Variants in SYT16 observed in about 807,000 individuals in gnomAD.
SYT16 encodes synaptotagmin-16.
Under a neutral mutation model 61.4 loss-of-function variants are expected in SYT16, and 42 were observed. The ratio of observed to expected loss-of-function variants is 0.68; its 90% CI spans 0.53 to 0.89. The LOEUF (loss-of-function observed/expected upper bound fraction) is 0.89, where lower values mean the gene tolerates loss of function less well. Ranked by LOEUF, SYT16 falls within the 40% of genes least tolerant of loss-of-function variation. The pLI is 0.00. For missense variants in SYT16, 804 were observed against 807.3 expected, an observed-to-expected ratio of 1.00 and a Z score of 0.05; for synonymous variants, 314 against 302.3, an observed-to-expected ratio of 1.04 and a Z score of -0.40.
chr14:62,068,207 G>C (rs945344925), intron 3 of SYT16, among the ~76,000 whole-genome samples: 1 of 151,914 alleles, frequency 6.6e-6, no homozygotes, highest in Non-Finnish European at 1.5e-5. Context: ...CCTTAGAAAG[G>C]AAGGAGATTT....
chr14:61,945,499 T>C (rs1594976471), intron 1 of SYT16, among the ~76,000 whole-genome samples: 1 of 152,308 alleles, frequency 6.6e-6, no homozygotes, highest in East Asian at 1.9e-4. Context: ...TGCCCATCAA[T>C]GATAGACTGG....
At position 61,933,186 on chromosome 14, in the gene SYT16, G is replaced by A. The variant is rs74331649; in HGVS notation, c.-324-36946G>A. Among the ~76,000 whole-genome samples, 642 of 152,304 alleles carry A rather than the reference G, an allele frequency of 4.2e-3. 4 individuals are homozygous for A. The highest frequency in any genetic ancestry group is 0.014 in the African/African-American group (601 of 41,568). On this transcript the variant is annotated intron_variant, in intron 1 of 7. Coordinates refer to ENST00000683842, the MANE Select transcript of SYT16 (RefSeq NM_001367656.1). ...CCCTTGAAAGAAGATGTGCCACTTA[G>A]TGCTGACAGTTAAATCACCATGCTG...
intron 3 of SYT16, among the ~76,000 whole-genome samples, chr14:62,038,013 G>A (rs926070980): frequency 6.6e-6 from 1 of 152,136 alleles, no homozygotes; most frequent in Non-Finnish European, 1.5e-5. Context: ...TGTTGATTAA[G>A]CAGATGGATT....
chr14:61,865,451 C>T (rs1187539889), intron 1 of SYT16, among the ~76,000 whole-genome samples: 3 of 152,160 alleles, frequency 2.0e-5, no homozygotes, highest in African/African-American at 7.2e-5. Flanking sequence ...CAGGCCTCAT[C>T]AGCAGCTCAA....
intron 1 of SYT16, among the ~76,000 whole-genome samples, chr14:61,895,736 C>G (rs548419238): frequency 7.2e-5 from 11 of 152,260 alleles, no homozygotes; most frequent in Admixed American, 1.3e-4. Flanking sequence ...GTTACTCTTG[C>G]ATTACTACCA....
intron 1 of SYT16, among the ~76,000 whole-genome samples, chr14:61,890,228 G>A (rs895881991): frequency 6.6e-6 from 1 of 152,188 alleles, no homozygotes; most frequent in Non-Finnish European, 1.5e-5. Flanking sequence ...GGTAGTTTGG[G>A]TTGGTTGTTG....
chr14:61,980,276 T>G (rs563312826), intron 2 of SYT16, among the ~76,000 whole-genome samples: 5 of 152,334 alleles, frequency 3.3e-5, no homozygotes, highest in Admixed American at 3.3e-4. Context: ...TATTGCACTA[T>G]GAAATTGCTG....
At chr14:62,078,172 A>ATATATAAACACACAC (rs2056576554) in intron 5 of SYT16, among the ~76,000 whole-genome samples, 1 of 128,786 alleles carries the variant, frequency 7.8e-6, no homozygotes, top group Non-Finnish European at 1.6e-5. Context: ...TATATATATA[A>ATATATAAACACACAC]ACACACACAC....
chr14:61,884,066 C>A (rs2047801020), intron 1 of SYT16, among the ~76,000 whole-genome samples: 1 of 152,194 alleles, frequency 6.6e-6, no homozygotes, highest in African/African-American at 2.4e-5. Context: ...GGTGGGGACA[C>A]AGGCAAACCA....
At chr14:61,913,541 AT>A (rs1462331776) in intron 1 of SYT16, among the ~76,000 whole-genome samples, 3 of 152,218 alleles carry the variant, frequency 2.0e-5, no homozygotes, top group African/African-American at 7.2e-5. Flanking sequence ...GTGATGTACA[AT>A]TATTGTCTTT....
At chr14:61,968,688 C>T (rs1024891589) in intron 1 of SYT16, among the ~76,000 whole-genome samples, 3 of 152,188 alleles carry the variant, frequency 2.0e-5, no homozygotes, top group African/African-American at 7.2e-5. Context: ...TGTTTATTTT[C>T]TCCTTTTATA....
intron 1 of SYT16, among the ~76,000 whole-genome samples, chr14:61,877,528 C>T (rs1306601760): frequency 1.3e-5 from 2 of 152,338 alleles, no homozygotes; most frequent in Middle Eastern, 3.4e-3. Context: ...AACCTGGGCC[C>T]CTGAGGGTTC....
intron 1 of SYT16, among the ~76,000 whole-genome samples, chr14:61,966,935 T>G (rs2051337859): frequency 6.6e-6 from 1 of 152,230 alleles, no homozygotes; most frequent in African/African-American, 2.4e-5. Context: ...TGTTTACCTT[T>G]TGCTAGCTGC....
chr14:61,988,463 C>G (rs568425995), intron 2 of SYT16, among the ~76,000 whole-genome samples: 44 of 152,228 alleles, frequency 2.9e-4, no homozygotes, highest in African/African-American at 1.1e-3. Flanking sequence ...TAAATACTCA[C>G]AAATACTCAA....
At chr14:61,916,923 A>T (rs1054501107) in intron 1 of SYT16, among the ~76,000 whole-genome samples, 15 of 152,100 alleles carry the variant, frequency 9.9e-5, no homozygotes, top group African/African-American at 3.4e-4. Flanking sequence ...ACAGGATTTC[A>T]TTCTTTTTTT....
At chr14:61,987,719 G>A (rs563388522) in intron 2 of SYT16, among the ~76,000 whole-genome samples, 2 of 145,414 alleles carry the variant, frequency 1.4e-5, no homozygotes, top group South Asian at 2.3e-4. Flanking sequence ...GTGTTATGGT[G>A]GAGGGATTAG....
chr14:61,891,069 T>G (rs1275391650), intron 1 of SYT16, among the ~76,000 whole-genome samples: 1 of 152,208 alleles, frequency 6.6e-6, no homozygotes, highest in South Asian at 2.1e-4. Context: ...GGCTTTTGGC[T>G]AAGGTACTTT....
chr14:61,861,227 AT>A (rs1315368052), intron 1 of SYT16, among the ~76,000 whole-genome samples: 5 of 152,172 alleles, frequency 3.3e-5, no homozygotes, highest in Non-Finnish European at 5.9e-5. Context: ...TTGTCATTCT[AT>A]TTCTTTATGG....
chr14:62,051,487 CT>C (rs2055293362), intron 3 of SYT16, among the ~76,000 whole-genome samples: 1 of 152,234 alleles, frequency 6.6e-6, no homozygotes, highest in African/African-American at 2.4e-5. Flanking sequence ...CCTGCACCCA[CT>C]GTCTGGCACT....
Sources: allele counts gnomAD v4.1 joint callset (sites outside exome capture counted in the v4.1 genomes callset), GRCh38; gene constraint gnomAD v4.1.1; transcripts MANE v1.5; gene names NCBI Gene and HGNC (gene_info 2026-07-23, HGNC 2026-07-21).